The following NPPA variants were observed in gnomAD, a reference collection of about 807,000 sequenced individuals.
The protein encoded by NPPA is natriuretic peptides A.
In NPPA, 10 loss-of-function variants were observed where a neutral mutation model predicts 12.2. The ratio of observed to expected loss-of-function variants is 0.82; its 90% CI spans 0.50 to 1.38. NPPA has a LOEUF of 1.38. Among genes scored for constraint, NPPA ranks in the 40% most tolerant of loss-of-function variants. The pLI is 0.00. For synonymous variants in NPPA, 85 were observed against 80.2 expected (o/e 1.06, Z -0.32); for missense variants, 207 against 193.5 (o/e 1.07, Z -0.41).
intron 2 of NPPA, among the ~76,000 whole-genome samples, chr1:11,846,647 G>A (rs1162484884): frequency 1.7e-5 from 2 of 115,248 alleles, no homozygotes; most frequent in East Asian, 2.2e-4. Context: ...AGACAGTCTC[G>A]CTCTATCACC....
Position 11,847,452 on chromosome 1 carries a change from A to G in NPPA, c.124-13T>C. ...GGTCCAGCAAATTCTTTAGAAAAGG[A>G]AAATACAGGGAAAGGGATAAACCTC... is the stretch of plus-strand genomic sequence containing the variant. On this transcript the variant is annotated splice_polypyrimidine_tract_variant and intron_variant, in intron 1 of 2. Transcript: ENST00000376480. The G allele has an allele frequency of 6.2e-7, 1 of 1,614,104 alleles. No individual in the cohort carries two copies. The highest frequency in any genetic ancestry group is 8.5e-7 in the Non-Finnish European group (1 of 1,180,018).
Position 11,847,572 on chromosome 1 carries a change from A to C in NPPA, c.113T>G (p.Met38Arg), listed in dbSNP as rs763172985. 5 of 1,614,170 alleles carry C rather than the reference A, an allele frequency of 3.1e-6. No individual in the cohort carries two copies. Among genetic ancestry groups the C allele is most frequent in the Non-Finnish European group, 4.2e-6 (5 of 1,180,030 alleles). Reference protein sequence around the residue: ...MYNAVSNADLMDFKNLLDHLE... With the variant: ...MYNAVSNADLRDFKNLLDHLE... ...CTTTCCTGGCCCTACCTTGAAATCC[A>C]TCAGGTCTGCGTTGGACACGGCATT... Residue 38 changes from methionine to arginine, a missense_variant, in exon 1 of 3, where the codon ATG becomes AGG. Coordinates refer to ENST00000376480, the MANE Select transcript of NPPA (RefSeq NM_006172.4).
Position 11,846,619 on chromosome 1 carries a change from CT to C in NPPA, c.450+493del, listed in dbSNP as rs70987207. Reference sequence around the variant, plus strand: ...ACAGGCGTGAGCCACCGTGCCTGGCCTTTTTTTTTTTTTTTTGAGACAGTCT... The same window carrying C: ...ACAGGCGTGAGCCACCGTGCCTGGCCTTTTTTTTTTTTTTTGAGACAGTCT... On this transcript the variant is annotated intron_variant, in intron 2 of 2. Coordinates refer to ENST00000376480, the MANE Select transcript of NPPA (RefSeq NM_006172.4). Among the ~76,000 whole-genome samples, 351 of 111,668 alleles carry C rather than the reference CT, an allele frequency of 3.1e-3. 9 individuals carry two copies. Among genetic ancestry groups the C allele is most frequent in the East Asian group, 7.4e-3 (33 of 4,474 alleles). 73.3% of individuals were successfully genotyped at this position (111,668 alleles called of 152,430 possible).
chr1:11,847,023 G>T (rs1385280004), intron 2 of NPPA, 90 bp downstream of exon 2: 42 of 1,246,624 alleles, frequency 3.4e-5, no homozygotes, highest in Admixed American at 7.2e-5. Context: ...AACTTGAGAG[G>T]GAATGAGCTT....
Position 11,847,724 on chromosome 1 carries a change from G to C in NPPA, c.-40C>G. 1 of 1,613,390 alleles carries C rather than the reference G, an allele frequency of 6.2e-7. No homozygotes were observed. The highest frequency in any genetic ancestry group is 2.2e-5 in the East Asian group (1 of 44,862). ...GGAGCAATCCACTGCTTGCTGCTCT[G>C]TCTCTCCCCTCTGGTTCCTCTCTGG... On this transcript the variant is annotated 5_prime_UTR_variant, in exon 1 of 3. Coordinates refer to ENST00000376480, the MANE Select transcript of NPPA (RefSeq NM_006172.4).
Position 11,845,974 on chromosome 1 carries a change from G to T in NPPA, c.*35C>A. On this transcript the variant is annotated 3_prime_UTR_variant, in exon 3 of 3. Coordinates refer to ENST00000376480, the MANE Select transcript of NPPA (RefSeq NM_006172.4). ...AGGAGCCTCTTGCAGTCTGTCCCTA[G>T]GCCCAGCCCTGCTTGTCCTCCCTGG... 6.2e-7 allele frequency: 1 copy of T among 1,611,532 alleles called. No homozygotes were observed. The highest frequency in any genetic ancestry group is 8.5e-7 in the Non-Finnish European group (1 of 1,177,672).
Position 11,845,964 on chromosome 1 carries a change from T to G in NPPA, c.*45A>C. ...CCCAGGGGACAGGAGCCTCTTGCAGTCTGTCCCTAGGCCCAGCCCTGCTTG... is the reference window on the plus strand; with the variant it reads ...CCCAGGGGACAGGAGCCTCTTGCAGGCTGTCCCTAGGCCCAGCCCTGCTTG... On this transcript the variant is annotated 3_prime_UTR_variant, in exon 3 of 3. Coordinates refer to ENST00000376480, the MANE Select transcript of NPPA (RefSeq NM_006172.4). 6.2e-7 allele frequency: 1 copy of G among 1,603,004 alleles called. No individual in the cohort carries two copies. The highest frequency in any genetic ancestry group is 8.5e-7 in the Non-Finnish European group (1 of 1,169,872).
chr1:11,845,824 CA>C lies in NPPA; in HGVS notation c.*184del. On this transcript the variant is annotated 3_prime_UTR_variant, in exon 3 of 3. Transcript: ENST00000376480. ...GTGGGAGAGGCGAGGAAGTCACCATCAAACCACTTTATCTACAGTTAGCATA... is the reference window on the plus strand; with the variant it reads ...GTGGGAGAGGCGAGGAAGTCACCATCAACCACTTTATCTACAGTTAGCATA... The C allele has an allele frequency of 3.0e-6, 2 of 667,068 alleles. No homozygotes were observed. Among genetic ancestry groups the C allele is most frequent in the Non-Finnish European group, 5.5e-6 (2 of 363,598 alleles). The allele number at this position is 667,068 out of a possible 1,614,324, so 41.3% of individuals were successfully genotyped here. A position where few individuals can be genotyped will look rare whatever the true frequency, so the allele number is the denominator to read the frequency against.
Position 11,847,287 on chromosome 1 carries a change from T to C in NPPA, c.276A>G (p.Arg92=). The C allele has an allele frequency of 6.2e-7, 1 of 1,613,500 alleles. No homozygotes were observed. Among genetic ancestry groups the C allele is most frequent in the Non-Finnish European group, 8.5e-7 (1 of 1,179,698 alleles). The change falls in exon 2 of 3, where the codon AGA becomes AGG. Residue 92 remains arginine, a synonymous_variant. Coordinates refer to ENST00000376480, the MANE Select transcript of NPPA (RefSeq NM_006172.4). ...PWTGEVSPAQ[R]DGGALGRGPW... is the part of the protein sequence containing the mutation. ...GGCCCCGCCCGAGGGCACCTCCATCTCTCTGGGCTGGGCTGACTTCCCCGG... is the reference window on the plus strand; with the variant it reads ...GGCCCCGCCCGAGGGCACCTCCATCCCTCTGGGCTGGGCTGACTTCCCCGG...
intron 1 of NPPA, 59 bp from the exon 2 acceptor site, chr1:11,847,498 G>A: frequency 6.2e-7 from 1 of 1,614,092 alleles, no homozygotes; most frequent in Non-Finnish European, 8.5e-7. Flanking sequence ...AGGAAATCAA[G>A]AGGAGTGAGC....
chr1:11,846,057 G>A (rs1645066391), intron 2 of NPPA, 43 bp from the exon 3 acceptor site: 1 of 1,612,448 alleles, frequency 6.2e-7, no homozygotes, highest in Non-Finnish European at 8.5e-7. Flanking sequence ...TGACCTGGCT[G>A]TCCTGGAAAA....
At chr1:11,846,096 C>T (rs970778324) in intron 2 of NPPA, 82 bp from the exon 3 acceptor site, 16 of 1,433,072 alleles carry the variant, frequency 1.1e-5, no homozygotes, top group Non-Finnish European at 1.6e-5. Flanking sequence ...TGTGCCCATC[C>T]TCTGAACTTG....
At position 11,847,596 on chromosome 1, in the gene NPPA, T is replaced by G; in HGVS notation, c.89A>C (p.Asn30Thr). Residue 30 changes from asparagine (N) to threonine (T), a missense_variant, in exon 1 of 3, where the codon AAT (asparagine) becomes ACT (threonine). By Grantham distance (65) the Asn-to-Thr change is moderately conservative. Transcript: ENST00000376480. Reference protein sequence around the residue: ...LGQTRANPMYNAVSNADLMDF... With the variant: ...LGQTRANPMYTAVSNADLMDF... ...CATCAGGTCTGCGTTGGACACGGCATTGTACATGGGATTAGCTCTGGTCTG... is the reference window on the plus strand; with the variant it reads ...CATCAGGTCTGCGTTGGACACGGCAGTGTACATGGGATTAGCTCTGGTCTG... The G allele has an allele frequency of 6.2e-7, 1 of 1,614,080 alleles. No individual in the cohort carries two copies.
Position 11,847,068 on chromosome 1 carries a change from C to G in NPPA, c.450+45G>C, listed in dbSNP as rs371836245. The G allele has an allele frequency of 3.4e-4, 511 of 1,491,768 alleles. 1 individual carries two copies. The highest frequency in any genetic ancestry group is 1.5e-4 in the Non-Finnish European group (173 of 1,118,562). The allele number at this position is 1,491,768 out of a possible 1,614,324, so 92.4% of individuals were successfully genotyped here. ...TCCCTTTCCTGCTGAAGGTGTCTCC[C>G]AGTAGTGTCCATCCCATCCCATTTC... is the stretch of plus-strand genomic sequence containing the variant. On this transcript the variant is annotated intron_variant, in intron 2 of 2. Coordinates refer to ENST00000376480, the MANE Select transcript of NPPA (RefSeq NM_006172.4).
intron 2 of NPPA, among the ~76,000 whole-genome samples, chr1:11,846,676 C>T (rs1352257994): frequency 7.1e-5 from 10 of 141,592 alleles, no homozygotes; most frequent in Admixed American, 2.2e-4. Context: ...ACTGCAGTGG[C>T]GTGATCTCTG....
Position 11,847,258 on chromosome 1 carries a change from C to T in NPPA, c.305G>A (p.Trp102Ter). ...GAGGGCAGATCGATCAGAGGAGTCC[C>T]AGGGGCCCCGCCCGAGGGCACCTCC... ...RDGGALGRGP[W>*]DSSDRSALLK... Residue 102 changes from tryptophan (W) to a stop codon, truncating the protein, a stop_gained, in exon 2 of 3, where the codon TGG (tryptophan) becomes TAG (stop). Transcript: ENST00000376480. LOFTEE classifies it high-confidence loss of function. 3 of 1,613,724 alleles carry T rather than the reference C, an allele frequency of 1.9e-6. No individual in the cohort carries two copies. The highest frequency in any genetic ancestry group is 1.7e-6 in the Non-Finnish European group (2 of 1,179,718).
At position 11,845,751 on chromosome 1, in the gene NPPA, C is replaced by T; in HGVS notation, c.*258G>A. On this transcript the variant is annotated 3_prime_UTR_variant, in exon 3 of 3. Transcript: ENST00000376480. ...GTGCTGAAGTTTATTCACTTTCAAA[C>T]CACTTTCAGTAACAGGTGAGGTTCT... 1 of 508,568 alleles carries T rather than the reference C, an allele frequency of 2.0e-6. No homozygotes were observed. The highest frequency in any genetic ancestry group is 3.6e-6 in the Non-Finnish European group (1 of 275,540). 31.5% of individuals were successfully genotyped at this position (508,568 alleles called of 1,614,324 possible).
At position 11,845,820 on chromosome 1, in the gene NPPA, C is replaced by T. The variant is rs1645064626; in HGVS notation, c.*189G>A. Reference sequence around the variant, plus strand: ...TGGGGTGGGAGAGGCGAGGAAGTCACCATCAAACCACTTTATCTACAGTTA... The same window carrying T: ...TGGGGTGGGAGAGGCGAGGAAGTCATCATCAAACCACTTTATCTACAGTTA... On this transcript the variant is annotated 3_prime_UTR_variant, in exon 3 of 3. Coordinates refer to ENST00000376480, the MANE Select transcript of NPPA (RefSeq NM_006172.4). The T allele has an allele frequency of 3.0e-6, 2 of 656,046 alleles. No homozygotes were observed. Among genetic ancestry groups the T allele is most frequent in the East Asian group, 5.4e-5 (2 of 36,786 alleles). The allele number at this position is 656,046 out of a possible 1,614,324, so 40.6% of individuals were successfully genotyped here.
At position 11,845,940 on chromosome 1, in the gene NPPA, C is replaced by T. The variant is rs1289832376; in HGVS notation, c.*69G>A. The T allele has an allele frequency of 6.6e-7, 1 of 1,519,704 alleles. No individual in the cohort carries two copies. The highest frequency in any genetic ancestry group is 2.2e-5 in the East Asian group (1 of 44,458). The allele number at this position is 1,519,704 out of a possible 1,614,324, so 94.1% of individuals were successfully genotyped here. A position where few individuals can be genotyped will look rare whatever the true frequency, so the allele number is the denominator to read the frequency against. On this transcript the variant is annotated 3_prime_UTR_variant, in exon 3 of 3. Transcript: ENST00000376480. ...AGATGACACAAATGCAGCAGAGACCCCAGGGGACAGGAGCCTCTTGCAGTC... is the reference window on the plus strand; with the variant it reads ...AGATGACACAAATGCAGCAGAGACCTCAGGGGACAGGAGCCTCTTGCAGTC...
Sources: allele counts gnomAD v4.1 joint callset (sites outside exome capture counted in the v4.1 genomes callset), GRCh38; gene constraint gnomAD v4.1.1; transcripts MANE v1.5; gene names NCBI Gene and HGNC (gene_info 2026-07-23, HGNC 2026-07-21).